Variants in LRRC32 observed in about 807,000 individuals in gnomAD.
LRRC32 encodes transforming growth factor beta activator LRRC32.
LRRC32 carries 5 observed loss-of-function variants against 15.0 expected under a neutral mutation model. That is an observed-to-expected ratio of 0.33 (90% CI 0.17 to 0.70). LRRC32 has a LOEUF of 0.70. LRRC32 is among the 30% of genes least tolerant of loss of function. The pLI, the probability that LRRC32 is intolerant of heterozygous loss-of-function variation, is 0.66. For missense variants in LRRC32, 803 were observed against 854.2 expected (o/e 0.94, Z 0.75); for synonymous variants, 391 against 403.9 (o/e 0.97, Z 0.38).
intron 2 of LRRC32, among the ~76,000 whole-genome samples, chr11:76,665,101 C>T (rs922709862): frequency 6.6e-6 from 1 of 152,234 alleles, no homozygotes; most frequent in Non-Finnish European, 1.5e-5. Context: ...GTTCTCTTTG[C>T]CCTGTATCTC....
At position 76,659,502 on chromosome 11, in the gene LRRC32, C is replaced by G. The variant is rs1952470988; in HGVS notation, c.*102G>C. 1 of 1,289,116 alleles carries G rather than the reference C, an allele frequency of 7.8e-7. No individual in the cohort carries two copies. The highest frequency in any genetic ancestry group is 1.1e-6 in the Non-Finnish European group (1 of 940,302). 79.9% of individuals were successfully genotyped at this position (1,289,116 alleles called of 1,614,324 possible). A position where few individuals can be genotyped will look rare whatever the true frequency, so the allele number is the denominator to read the frequency against. On this transcript the variant is annotated 3_prime_UTR_variant, in exon 3 of 3. Coordinates refer to ENST00000260061, the MANE Select transcript of LRRC32 (RefSeq NM_001128922.2). ...GGTGTCCTGGGCTGTAATTTGGAGA[C>G]CAGAGTTCTGGGATCCCGGATCACT...
At chr11:76,663,229 G>C (rs1034760829) in intron 2 of LRRC32, 2 of 152,236 alleles carry the variant, frequency 1.3e-5, no homozygotes, top group African/African-American at 4.8e-5. Flanking sequence ...GTAAAGGTCT[G>C]AGGCACTGAA....
chr11:76,669,761 C>T (rs960855928), intron 1 of LRRC32: 2 of 152,242 alleles, frequency 1.3e-5, no homozygotes, highest in Admixed American at 1.3e-4. Flanking sequence ...AAGTGACTTA[C>T]CCAAAGTCAC....
chr11:76,661,712 C>T (rs144670872), intron 2 of LRRC32, among the ~76,000 whole-genome samples: 4 of 152,140 alleles, frequency 2.6e-5, no homozygotes, highest in African/African-American at 4.8e-5. Flanking sequence ...GGGCACCCAG[C>T]GCAGTAATGG....
chr11:76,664,271 T>G (rs1434660263), intron 2 of LRRC32, among the ~76,000 whole-genome samples: 1 of 152,208 alleles, frequency 6.6e-6, no homozygotes, highest in Non-Finnish European at 1.5e-5. Context: ...TGGGCAGGGC[T>G]GCACTGGGAT....
At chr11:76,662,470 A>T (rs1311251873) in intron 2 of LRRC32, among the ~76,000 whole-genome samples, 2 of 151,986 alleles carry the variant, frequency 1.3e-5, no homozygotes, top group Non-Finnish European at 2.9e-5. Flanking sequence ...CAGGGAGGGG[A>T]AGGGAGGTGC....
intron 1 of LRRC32, among the ~76,000 whole-genome samples, chr11:76,666,834 C>G (rs1952634078): frequency 6.6e-6 from 1 of 152,252 alleles, no homozygotes; most frequent in Admixed American, 6.5e-5. Flanking sequence ...CTGAATACCT[C>G]CTCATGTCTG....
At chr11:76,664,075 C>T (rs897957699) in intron 2 of LRRC32, among the ~76,000 whole-genome samples, 3 of 152,204 alleles carry the variant, frequency 2.0e-5, no homozygotes, top group African/African-American at 7.2e-5. Flanking sequence ...GGGCACCGTG[C>T]TGTGCCCCGC....
At chr11:76,664,338 G>C (rs1246895903) in intron 2 of LRRC32, among the ~76,000 whole-genome samples, 2 of 152,232 alleles carry the variant, frequency 1.3e-5, no homozygotes, top group African/African-American at 4.8e-5. Context: ...GGTGCTCAGA[G>C]CTCCACTTCC....
chr11:76,669,491 A>C (rs1365886337), intron 1 of LRRC32, among the ~76,000 whole-genome samples: 1 of 152,074 alleles, frequency 6.6e-6, no homozygotes, highest in Non-Finnish European at 1.5e-5. Flanking sequence ...TCTTCTAAGC[A>C]CTTGACCTAT....
At chr11:76,669,217 C>T (rs1280299828) in intron 1 of LRRC32, among the ~76,000 whole-genome samples, 1 of 152,164 alleles carries the variant, frequency 6.6e-6, no homozygotes, top group Non-Finnish European at 1.5e-5. Flanking sequence ...CAGTGACCCT[C>T]GCAGGGCTGA....
At chr11:76,669,345 A>ATGTATGTGTG (rs1555095370) in intron 1 of LRRC32, among the ~76,000 whole-genome samples, 4 of 123,480 alleles carry the variant, frequency 3.2e-5, no homozygotes, top group African/African-American at 1.3e-4. Flanking sequence ...GTGCCAAAGA[A>ATGTATGTGTG]TGTGTGTGTG....
Position 76,659,384 on chromosome 11 carries a change from C to A in LRRC32, c.*220G>T. 1 of 567,076 alleles carries A rather than the reference C, an allele frequency of 1.8e-6. No homozygotes were observed. Among genetic ancestry groups the A allele is most frequent in the South Asian group, 2.3e-5 (1 of 43,392 alleles). The allele number at this position is 567,076 out of a possible 1,614,324, so 35.1% of individuals were successfully genotyped here. ...ACAGGTCAACATTATTCTCGGCTGT[C>A]CCTGAAACCGCCCAACTTCTGGCTT... On this transcript the variant is annotated 3_prime_UTR_variant, in exon 3 of 3. Transcript: ENST00000260061.
In LRRC32 at chr11:76,660,818, G is replaced by A. The variant is rs755030109; in HGVS notation, c.775C>T (p.Pro259Ser). Reference sequence around the variant, plus strand: ...AGTCTCGGGAGCGCGGCCAGGTCGGGGAAATGGAGCAGTTTGTTCTCCCGC... The same window carrying A: ...AGTCTCGGGAGCGCGGCCAGGTCGGAGAAATGGAGCAGTTTGTTCTCCCGC... Reference protein sequence around the residue: ...DLRENKLLHFPDLAALPRLIY... With the variant: ...DLRENKLLHFSDLAALPRLIY... The change falls in exon 3 of 3, where the codon CCC becomes TCC. Residue 259 changes from proline (P) to serine (S), a missense_variant. Pro to Ser is a moderately conservative substitution (Grantham distance 74). Coordinates refer to ENST00000260061, the MANE Select transcript of LRRC32 (RefSeq NM_001128922.2). 16 of 1,614,066 alleles carry A rather than the reference G, an allele frequency of 9.9e-6. No individual in the cohort carries two copies. The highest frequency in any genetic ancestry group is 5.0e-5 in the Admixed American group (3 of 60,004).
chr11:76,663,489 G>A (rs548265134), intron 2 of LRRC32: 3 of 152,348 alleles, frequency 2.0e-5, no homozygotes, highest in Admixed American at 6.5e-5. Context: ...GGTGAGTAGG[G>A]GGAGGAAGAG....
chr11:76,665,405 G>A (rs536095350), intron 2 of LRRC32, among the ~76,000 whole-genome samples: 4 of 152,266 alleles, frequency 2.6e-5, no homozygotes, highest in African/African-American at 9.6e-5. Flanking sequence ...AGAAGTGAGA[G>A]GCACTCCAGC....
Position 76,659,674 on chromosome 11 carries a change from A to T in LRRC32, c.1919T>A (p.Ile640Asn). ...GCAGGCGGCCAGCGTGGTGAGGAGGATGGCAGAGACCAGTATGAAGGTGAG... is the reference window on the plus strand; with the variant it reads ...GCAGGCGGCCAGCGTGGTGAGGAGGTTGGCAGAGACCAGTATGAAGGTGAG... ...IILTFILVSA[I>N]LLTTLAACCC... The change falls in exon 3 of 3, where the codon ATC (isoleucine) becomes AAC (asparagine). Residue 640 changes from isoleucine to asparagine, a missense_variant. Physicochemically the swap from Ile to Asn is moderately radical, Grantham distance 149. Transcript: ENST00000260061. 6.2e-7 allele frequency: 1 copy of T among 1,614,182 alleles called. No homozygotes were observed. Among genetic ancestry groups the T allele is most frequent in the East Asian group, 2.2e-5 (1 of 44,880 alleles).
intron 1 of LRRC32, among the ~76,000 whole-genome samples, chr11:76,667,632 G>A (rs1180810069): frequency 6.6e-6 from 1 of 152,244 alleles, no homozygotes; most frequent in South Asian, 2.1e-4. Context: ...TGCTTTCACA[G>A]GAAACTTTGT....
intron 1 of LRRC32, among the ~76,000 whole-genome samples, chr11:76,666,613 G>C (rs1027054247): frequency 3.3e-5 from 5 of 152,214 alleles, no homozygotes; most frequent in Non-Finnish European, 7.3e-5. Context: ...GGCAGGCCCT[G>C]TACTTTCACT....
Sources: gnomAD v4.1 joint callset for allele counts (sites outside exome capture counted in the v4.1 genomes callset) on GRCh38, gnomAD v4.1.1 for gene constraint, MANE v1.5 for transcripts, NCBI Gene and HGNC (gene_info 2026-07-23, HGNC 2026-07-21) for gene names.